The following NT5DC3 variants were observed in gnomAD, a reference collection of about 807,000 sequenced individuals.
NT5DC3 encodes 5'-nucleotidase domain containing 3.
Under a neutral mutation model 67.8 loss-of-function variants are expected in NT5DC3, and 42 were observed. The observed-to-expected ratio is 0.62, with a 90% confidence interval of 0.48 to 0.80. The LOEUF (loss-of-function observed/expected upper bound fraction) is 0.80. Ranked by LOEUF, NT5DC3 falls within the 30% of genes least tolerant of loss-of-function variation. The pLI is 0.00. For missense variants in NT5DC3, 570 were observed against 696.4 expected, an observed-to-expected ratio of 0.82 and a Z score of 2.04; for synonymous variants, 237 against 255.6, an observed-to-expected ratio of 0.93 and a Z score of 0.69.
chr12:103,793,593 G>T, intron 7 of NT5DC3, 81 bp from the exon 8 acceptor site: 2 of 933,426 alleles, frequency 2.1e-6, no homozygotes, highest in Non-Finnish European at 1.7e-6. Context: ...GGGGGTTTGG[G>T]TCCAGCACTG....
chr12:103,828,703 T>G (rs1887798091), intron 1 of NT5DC3, among the ~76,000 whole-genome samples: 1 of 132,960 alleles, frequency 7.5e-6, no homozygotes, highest in Admixed American at 7.7e-5. Context: ...TTTCTTTTTA[T>G]TTTTTTTTTT....
At position 103,780,256 on chromosome 12, in the gene NT5DC3, G is replaced by C; in HGVS notation, c.1394+44C>G. 2.0e-6 allele frequency: 3 copies of C among 1,537,990 alleles called. 1 individual carries two copies. In the South Asian group the frequency reaches 3.3e-5, roughly 17 times the overall value. On this transcript the variant is annotated intron_variant, in intron 13 of 13. Transcript: ENST00000392876. Reference sequence around the variant, plus strand: ...AACACATGTGGGCTGAGCACAGCCAGAACAGGGTGGTGGACGCGCACATTC... The same window carrying C: ...AACACATGTGGGCTGAGCACAGCCACAACAGGGTGGTGGACGCGCACATTC...
At chr12:103,765,350 G>GCAAAAACATTC in the NT5DC3 span, among the ~76,000 whole-genome samples, 4 of 152,136 alleles carry the variant, frequency 2.6e-5, no homozygotes, top group African/African-American at 9.7e-5. Flanking sequence ...AGACTACATG[G>GCAAAAACATTC]CAAAAACATT....
At chr12:103,762,213 G>T in the NT5DC3 span, 2 of 1,597,726 alleles carry the variant, frequency 1.3e-6, no homozygotes, top group East Asian at 2.2e-5. Context: ...GCCACCAAGG[G>T]TTCCCCTTTT....
At chr12:103,771,638 G>C (rs114921619), downstream of NT5DC3, among the ~76,000 whole-genome samples, 484 of 152,300 alleles carry the variant, frequency 3.2e-3, 4 homozygotes, top group African/African-American at 0.011. Flanking sequence ...TGCTGGCCAA[G>C]GTTGGGAATC....
At chr12:103,790,208 GA>G (rs1441363222) in intron 9 of NT5DC3, among the ~76,000 whole-genome samples, 1 of 152,136 alleles carries the variant, frequency 6.6e-6, no homozygotes, top group Non-Finnish European at 1.5e-5. Flanking sequence ...GGGTTCAGGT[GA>G]CACTCCCACC....
chr12:103,835,757 A>G (rs1888117149), intron 1 of NT5DC3, among the ~76,000 whole-genome samples: 1 of 152,240 alleles, frequency 6.6e-6, no homozygotes, highest in African/African-American at 2.4e-5. Flanking sequence ...CACGGCTGTC[A>G]TACTCCAAAA....
At chr12:103,793,124 A>C in intron 9 of NT5DC3, 40 bp downstream of exon 9, 3 of 1,343,566 alleles carry the variant, frequency 2.2e-6, no homozygotes, top group Non-Finnish European at 3.2e-6. Flanking sequence ...CACAGCAGCA[A>C]AGGAATAAAA....
chr12:103,806,291 G>T, intron 4 of NT5DC3, 31 bp downstream of exon 4: 2 of 1,475,516 alleles, frequency 1.4e-6, no homozygotes, highest in Non-Finnish European at 1.9e-6. Context: ...GTTACTTCAC[G>T]TAAATTAAAT....
chr12:103,839,774 G>GT (rs1196801692), intron 1 of NT5DC3, among the ~76,000 whole-genome samples: 7 of 152,196 alleles, frequency 4.6e-5, no homozygotes, highest in Admixed American at 4.6e-4. Context: ...AACTAAGAAA[G>GT]TAAGCCACCA....
the NT5DC3 span, chr12:103,755,799 C>A: frequency 3.0e-6 from 4 of 1,319,088 alleles, no homozygotes; most frequent in South Asian, 1.2e-5. Context: ...AGGCCTTAAG[C>A]TGAAGGCCAC....
chr12:103,784,686 C>T (rs1885690905), intron 12 of NT5DC3, among the ~76,000 whole-genome samples: 2 of 152,160 alleles, frequency 1.3e-5, no homozygotes, highest in Admixed American at 1.3e-4. Context: ...AGGAAAGGGG[C>T]ACATGGAGAA....
At chr12:103,812,857 T>C (rs1440698953) in intron 2 of NT5DC3, among the ~76,000 whole-genome samples, 1 of 152,234 alleles carries the variant, frequency 6.6e-6, no homozygotes, top group Non-Finnish European at 1.5e-5. Context: ...AGCTAACCTT[T>C]ATTGAGTGTT....
intron 1 of NT5DC3, among the ~76,000 whole-genome samples, chr12:103,829,638 C>T (rs971519499): frequency 1.3e-5 from 2 of 152,072 alleles, no homozygotes; most frequent in Non-Finnish European, 2.9e-5. Context: ...GGAAATATTT[C>T]CCCCATCACA....
At position 103,793,253 on chromosome 12, in the gene NT5DC3, C is replaced by G; in HGVS notation, c.930G>C (p.Met310Ile). ...TCCAGTCTTTCCCAACGATATAACT[C>G]ATCCCTTTGTCCCTAGGGCAACAAG... ...NSPSSFVDKG[M>I]SYIVGKDWRD... Residue 310 changes from methionine (M) to isoleucine (I), a missense_variant, in exon 9 of 14, where the codon ATG becomes ATC. Physicochemically the swap from Met to Ile is conservative, Grantham distance 10. Transcript: ENST00000392876. The G allele has an allele frequency of 6.2e-7, 1 of 1,610,846 alleles. No individual in the cohort carries two copies. Among genetic ancestry groups the G allele is most frequent in the South Asian group, 1.1e-5 (1 of 90,532 alleles).
chr12:103,787,850 C>T (rs1374574814), intron 10 of NT5DC3, among the ~76,000 whole-genome samples: 1 of 151,320 alleles, frequency 6.6e-6, no homozygotes, highest in Non-Finnish European at 1.5e-5. Context: ...TGATGTTGGA[C>T]AGCTGACATT....
downstream of NT5DC3, among the ~76,000 whole-genome samples, chr12:103,770,268 A>C (rs533619230): frequency 6.6e-6 from 1 of 152,356 alleles, no homozygotes; most frequent in Non-Finnish European, 1.5e-5. Context: ...AGAATTAGAA[A>C]TGTATATATA....
intron 1 of NT5DC3, among the ~76,000 whole-genome samples, chr12:103,831,088 C>G (rs1887904811): frequency 6.6e-6 from 1 of 152,204 alleles, no homozygotes; most frequent in African/African-American, 2.4e-5. Flanking sequence ...TGGTTTGGCT[C>G]TGTGTCCCCA....
downstream of NT5DC3, chr12:103,766,430 C>G (rs542049133): frequency 2.7e-5 from 38 of 1,406,722 alleles, no homozygotes; most frequent in South Asian, 4.9e-4. Flanking sequence ...AACGTAAAGT[C>G]CTTTAAGCAC....
Sources: gnomAD v4.1 joint callset for allele counts (sites outside exome capture counted in the v4.1 genomes callset) on GRCh38, gnomAD v4.1.1 for gene constraint, MANE v1.5 for transcripts, NCBI Gene and HGNC (gene_info 2026-07-23, HGNC 2026-07-21) for gene names.